SOX6: variants seen among roughly 807,000 people sequenced by gnomAD.
SOX6 encodes the protein transcription factor SOX-6.
SOX6 carries 11 observed loss-of-function variants against 97.8 expected under a neutral mutation model. The ratio of observed to expected loss-of-function variants is 0.11; its 90% CI spans 0.07 to 0.19. The LOEUF is 0.19. SOX6 is among the 10% of genes least tolerant of loss of function. The pLI, the probability that SOX6 is intolerant of heterozygous loss-of-function variation, is 1.00. For missense variants in SOX6, 810 were observed against 1,039.5 expected, an observed-to-expected ratio of 0.78 and a Z score of 3.04; for synonymous variants, 360 against 371.4, an observed-to-expected ratio of 0.97 and a Z score of 0.35.
intron 4 of SOX6, among the ~76,000 whole-genome samples, chr11:16,553,793 G>C (rs1464849009): frequency 6.6e-6 from 1 of 152,076 alleles, no homozygotes; most frequent in Admixed American, 6.6e-5. Flanking sequence ...GGATAGATGA[G>C]TTTCATCACT....
intron 12 of SOX6, among the ~76,000 whole-genome samples, chr11:16,019,252 T>C (rs1298635275): frequency 6.6e-6 from 1 of 152,118 alleles, no homozygotes. Flanking sequence ...AGGTTTTTTG[T>C]TTGCTGCTTT....
At chr11:16,652,259 ACT>A (rs1295493733) in intron 3 of SOX6, among the ~76,000 whole-genome samples, 1 of 152,056 alleles carries the variant, frequency 6.6e-6, no homozygotes, top group East Asian at 1.9e-4. Flanking sequence ...TAGGAAAAAC[ACT>A]CTTAAAATTC....
rs1446723484 is a variant in SOX6 at position 16,132,393 on chromosome 11, AG to A, written c.778-20471del. On this transcript the variant is annotated intron_variant, in intron 6 of 15. Coordinates refer to ENST00000683767, the MANE Select transcript of SOX6 (RefSeq NM_001367873.1). Reference sequence around the variant, plus strand: ...AAGAAAGAAAGAAAGAAAGAAAGAAAGAAAGAAAAAAGAAAGAAAGAAAGAA... The same window carrying A: ...AAGAAAGAAAGAAAGAAAGAAAGAAAAAAGAAAAAAGAAAGAAAGAAAGAA... Among the ~76,000 whole-genome samples, 314 of 82,434 alleles carry A rather than the reference AG, an allele frequency of 3.8e-3. 2 individuals carry two copies. Among genetic ancestry groups the A allele is most frequent in the Non-Finnish European group, 4.4e-3 (191 of 43,386 alleles). 54.1% of individuals were successfully genotyped at this position (82,434 alleles called of 152,430 possible).
intron 15 of SOX6, among the ~76,000 whole-genome samples, chr11:15,976,855 G>A (rs1853500587): frequency 6.6e-6 from 1 of 151,878 alleles, no homozygotes. Context: ...TCAACTGTCA[G>A]TCCTTACTGA....
At chr11:16,686,095 T>G (rs1847967167) in intron 3 of SOX6, among the ~76,000 whole-genome samples, 2 of 152,224 alleles carry the variant, frequency 1.3e-5, no homozygotes, top group Non-Finnish European at 2.9e-5. Context: ...ATAAAAGCAT[T>G]CTTGCCTTCT....
At chr11:16,483,859 C>A (rs184419163) in intron 4 of SOX6, among the ~76,000 whole-genome samples, 1 of 152,160 alleles carries the variant, frequency 6.6e-6, no homozygotes. Context: ...AAGTTAAAGA[C>A]CTTAACGTTC....
chr11:16,207,325 G>A (rs1229277685), intron 4 of SOX6, among the ~76,000 whole-genome samples: 1 of 152,152 alleles, frequency 6.6e-6, no homozygotes, highest in African/African-American at 2.4e-5. Context: ...AAATTCGGCT[G>A]GGCGCGGTGG....
At chr11:15,980,712 T>A (rs558366488) in intron 15 of SOX6, among the ~76,000 whole-genome samples, 1 of 152,032 alleles carries the variant, frequency 6.6e-6, no homozygotes, top group African/African-American at 2.4e-5. Flanking sequence ...TTCCCATAAG[T>A]CTGACCTACC....
chr11:16,376,066 A>T (rs1288928932), intron 1 of SOX6, among the ~76,000 whole-genome samples: 4 of 152,108 alleles, frequency 2.6e-5, no homozygotes, highest in Non-Finnish European at 5.9e-5. Context: ...ATTAGGAGAA[A>T]TACCTAATGT....
chr11:16,368,040 G>A (rs1014207029), intron 1 of SOX6, among the ~76,000 whole-genome samples: 12 of 151,950 alleles, frequency 7.9e-5, no homozygotes, highest in South Asian at 2.1e-4. Flanking sequence ...TTAAAGTCGC[G>A]GCTTCCATGA....
At chr11:16,233,270 GAC>G (rs1487836840) in intron 4 of SOX6, among the ~76,000 whole-genome samples, 1 of 152,122 alleles carries the variant, frequency 6.6e-6, no homozygotes, top group Non-Finnish European at 1.5e-5. Flanking sequence ...CGTAAGGATT[GAC>G]AAAGTTGATG....
chr11:16,095,938 A>C (rs1848783504), intron 9 of SOX6, 58 bp downstream of exon 9: 1 of 1,541,936 alleles, frequency 6.5e-7, no homozygotes, highest in Non-Finnish European at 8.9e-7. Flanking sequence ...AAAAGCCTAG[A>C]GTATGACTGA....
intron 3 of SOX6, among the ~76,000 whole-genome samples, chr11:16,274,417 A>G (rs934851373): frequency 2.6e-5 from 4 of 152,112 alleles, no homozygotes; most frequent in African/African-American, 9.7e-5. Context: ...TGTAAGAATG[A>G]TATCTATCTA....
Position 16,721,508 on chromosome 11 carries a change from C to G in SOX6, n.354-6603G>C, listed in dbSNP as rs545425012. ...ATGGGTGGGTCTTTTCTGTCTCTCTCTCTCTCTCTCTCTCTCTCTCTCTCT... is the reference window on the plus strand; with the variant it reads ...ATGGGTGGGTCTTTTCTGTCTCTCTGTCTCTCTCTCTCTCTCTCTCTCTCT... On this transcript the variant is annotated intron_variant and non_coding_transcript_variant, in intron 2 of 5. Coordinates refer to the SOX6 transcript ENST00000524520. Among the ~76,000 whole-genome samples the G allele has an allele frequency of 1.3e-3, 23 of 17,670 alleles. No individual in the cohort carries two copies. In the East Asian group the frequency reaches 0.02, roughly 16 times the overall value. 11.6% of individuals were successfully genotyped at this position (17,670 alleles called of 152,430 possible). A position where few individuals can be genotyped will look rare whatever the true frequency, so the allele number is the denominator to read the frequency against.
chr11:16,649,717 G>GA (rs374263270), intron 3 of SOX6, among the ~76,000 whole-genome samples: 2,066 of 143,100 alleles, frequency 0.014, 51 homozygotes, highest in African/African-American at 0.05. Context: ...TAACACAACA[G>GA]AAAAAAAAAA....
chr11:16,502,329 G>A (rs555445032), intron 4 of SOX6, among the ~76,000 whole-genome samples: 21 of 152,240 alleles, frequency 1.4e-4, no homozygotes, highest in Non-Finnish European at 2.5e-4. Flanking sequence ...AGGGAGTGGG[G>A]AGGGATAGCA....
At chr11:16,733,228 TATAC>T in intron 2 of SOX6, among the ~76,000 whole-genome samples, 1 of 152,342 alleles carries the variant, frequency 6.6e-6, no homozygotes, top group African/African-American at 2.4e-5. Flanking sequence ...CATTACTGGG[TATAC>T]ACCCAAAGGA....
chr11:16,679,874 A>C (rs1199711188), intron 3 of SOX6, among the ~76,000 whole-genome samples: 2 of 152,222 alleles, frequency 1.3e-5, no homozygotes, highest in Non-Finnish European at 2.9e-5. Context: ...TTGAAGATCA[A>C]ATTAATGAAA....
At position 16,217,030 on chromosome 11, in the gene SOX6, G is replaced by A. The variant is rs143514452; in HGVS notation, c.535+17552C>T. On this transcript the variant is annotated intron_variant, in intron 4 of 15. Coordinates refer to ENST00000683767, the MANE Select transcript of SOX6 (RefSeq NM_001367873.1). Reference sequence around the variant, plus strand: ...AACAAAAGAGCTCCTTTCAGTAACCGGTTAACAAGAAATCCAGAATGCTCA... The same window carrying A: ...AACAAAAGAGCTCCTTTCAGTAACCAGTTAACAAGAAATCCAGAATGCTCA... Among the ~76,000 whole-genome samples the A allele has an allele frequency of 6.0e-3, 907 of 152,224 alleles. 4 individuals carry two copies. The highest frequency in any genetic ancestry group is 0.03 in the South Asian group (143 of 4,826).
Sources: allele counts gnomAD v4.1 joint callset (sites outside exome capture counted in the v4.1 genomes callset), GRCh38; gene constraint gnomAD v4.1.1; transcripts MANE v1.5; gene names NCBI Gene and HGNC (gene_info 2026-07-23, HGNC 2026-07-21).